The following ANKS1A variants were observed in gnomAD, a reference collection of about 807,000 sequenced individuals.
ANKS1A encodes the protein ankyrin repeat and SAM domain-containing protein 1A.
ANKS1A carries 55 observed loss-of-function variants against 120.3 expected under a neutral mutation model. The observed-to-expected ratio is 0.46, with a 90% CI of 0.37 to 0.57. The LOEUF is 0.57. Ranked by LOEUF, ANKS1A falls within the 20% of genes least tolerant of loss-of-function variation. ANKS1A has a pLI of 0.00. For synonymous variants in ANKS1A, 590 were observed against 604.7 expected (o/e 0.98, Z 0.36); for missense variants, 1,123 against 1,480.3 (o/e 0.76, Z 3.96).
rs1161506486 is a variant in ANKS1A, at chr6:35,033,335, G to T, written c.2010+15276G>T. Among the ~76,000 whole-genome samples, 3 of 152,178 alleles carry T rather than the reference G, an allele frequency of 2.0e-5. No homozygotes were observed. The East Asian group carries it at 5.8e-4, about 29-fold the overall frequency. On this transcript the variant is annotated intron_variant, in intron 11 of 23. Coordinates refer to ENST00000360359, the MANE Select transcript of ANKS1A (RefSeq NM_015245.3). ...GCAGAACTAAGCAAATCCTCAGCTGGGTTCATGTGCTTACAGCCATTACGG... is the reference window on the plus strand; with the variant it reads ...GCAGAACTAAGCAAATCCTCAGCTGTGTTCATGTGCTTACAGCCATTACGG...
chr6:34,975,427 C>G (rs1014219457), intron 3 of ANKS1A, among the ~76,000 whole-genome samples: 5 of 147,956 alleles, frequency 3.4e-5, no homozygotes, highest in Non-Finnish European at 4.5e-5. Flanking sequence ...GCACTCCAGC[C>G]TGGGCAACAG....
At chr6:34,902,727 C>T (rs1174917868) in intron 1 of ANKS1A, among the ~76,000 whole-genome samples, 5 of 150,528 alleles carry the variant, frequency 3.3e-5, no homozygotes, top group East Asian at 2.0e-4. Flanking sequence ...CGCTTGAACC[C>T]GGAAGGCGGA....
intron 11 of ANKS1A, among the ~76,000 whole-genome samples, chr6:35,038,643 G>A (rs1293645416): frequency 3.9e-5 from 6 of 151,984 alleles, no homozygotes; most frequent in Middle Eastern, 3.4e-3. Flanking sequence ...CACCATGCGC[G>A]GCTGTTTTTG....
intron 3 of ANKS1A, among the ~76,000 whole-genome samples, chr6:34,976,871 C>T (rs763225335): frequency 6.6e-6 from 1 of 152,056 alleles, no homozygotes; most frequent in Non-Finnish European, 1.5e-5. Context: ...TAATCCTAAA[C>T]ACTTCCATTT....
chr6:34,959,409 C>T (rs1225013374), intron 1 of ANKS1A, among the ~76,000 whole-genome samples: 1 of 152,156 alleles, frequency 6.6e-6, no homozygotes, highest in African/African-American at 2.4e-5. Context: ...TTAGAAGTTG[C>T]ACCCTGGTGG....
At chr6:34,983,790 A>G (rs887659400) in intron 7 of ANKS1A, among the ~76,000 whole-genome samples, 1 of 136,662 alleles carries the variant, frequency 7.3e-6, no homozygotes, top group Non-Finnish European at 1.6e-5. Context: ...CGAGTAATAA[A>G]TTTTTTTTTT....
chr6:35,048,934 A>C (rs1775845581), intron 11 of ANKS1A, among the ~76,000 whole-genome samples: 1 of 152,206 alleles, frequency 6.6e-6, no homozygotes, highest in Non-Finnish European at 1.5e-5. Flanking sequence ...AGGGTCTGCC[A>C]CTTTGCCCCC....
In ANKS1A at chr6:35,085,924, G is replaced by T; in HGVS notation, c.3291G>T (p.Val1097=). 1 of 1,606,866 alleles carries T rather than the reference G, an allele frequency of 6.2e-7. No homozygotes were observed. The change falls in exon 22 of 24, where the codon GTG becomes GTT. Residue 1097 remains valine (V), a synonymous_variant. Coordinates refer to ENST00000360359, the MANE Select transcript of ANKS1A (RefSeq NM_015245.3). This position sits in a 1 kb window ranked among gnomAD's most constrained non-coding sequence, Gnocchi z 4.7. ...SKPVPKPRVG[V]RKSALEPPDM... ...CGGTGCCTAAGCCTCGGGTCGGCGT[G>T]AGGAAATCCGCAGTACGTGGGCCCC...
At chr6:34,923,587 G>A (rs1768550041) in intron 1 of ANKS1A, among the ~76,000 whole-genome samples, 1 of 152,204 alleles carries the variant, frequency 6.6e-6, no homozygotes, top group Non-Finnish European at 1.5e-5. Flanking sequence ...CCCTTTTACA[G>A]ATGAGGAAAC....
At chr6:34,955,086 A>G (rs780492812) in intron 1 of ANKS1A, among the ~76,000 whole-genome samples, 12 of 151,846 alleles carry the variant, frequency 7.9e-5, no homozygotes, top group Non-Finnish European at 1.3e-4. Context: ...TTTTTCTTGT[A>G]CAATTAATTA....
chr6:35,091,602 G>T (rs1041148986), downstream of ANKS1A, among the ~76,000 whole-genome samples: 2 of 152,206 alleles, frequency 1.3e-5, no homozygotes. Flanking sequence ...GTGCTGTGAG[G>T]CGCAAGGGCC....
intron 1 of ANKS1A, among the ~76,000 whole-genome samples, chr6:34,962,378 A>G (rs1314487947): frequency 5.9e-5 from 9 of 152,212 alleles, no homozygotes; most frequent in Non-Finnish European, 1.3e-4. Flanking sequence ...AAAACTTTAT[A>G]TATTTGTTGT....
intron 3 of ANKS1A, among the ~76,000 whole-genome samples, chr6:34,975,628 A>G (rs1771533098): frequency 6.6e-6 from 1 of 151,890 alleles, no homozygotes; most frequent in Non-Finnish European, 1.5e-5. Flanking sequence ...CATAGTGGAT[A>G]GTGGTACATG....
chr6:34,910,249 T>C (rs1351429987), intron 1 of ANKS1A, among the ~76,000 whole-genome samples: 3 of 152,142 alleles, frequency 2.0e-5, no homozygotes, highest in African/African-American at 7.2e-5. Flanking sequence ...GGGTGATCTC[T>C]CCTATGACTT....
intron 1 of ANKS1A, among the ~76,000 whole-genome samples, chr6:34,905,569 A>G (rs942791519): frequency 2.0e-5 from 3 of 152,208 alleles, no homozygotes; most frequent in Non-Finnish European, 4.4e-5. Flanking sequence ...TGCCTGCAAG[A>G]TAATTATTGT....
At chr6:34,942,247 T>G (rs888992347) in intron 1 of ANKS1A, among the ~76,000 whole-genome samples, 1 of 152,230 alleles carries the variant, frequency 6.6e-6, no homozygotes, top group South Asian at 2.1e-4. Context: ...TTCGAGGAAG[T>G]GAACATTTTC....
chr6:34,972,576 T>G, intron 3 of ANKS1A: 1 of 985,224 alleles, frequency 1.0e-6, no homozygotes, highest in East Asian at 1.1e-4. Flanking sequence ...CTCTCCTTTT[T>G]GTAGAATGCT....
intron 3 of ANKS1A, among the ~76,000 whole-genome samples, chr6:34,973,833 TTCCCCTTCCCTTCCCCTTCCCCTTGCCC>T (rs780909699): frequency 0.058 from 7,914 of 137,316 alleles, 490 homozygotes; most frequent in African/African-American, 0.089. Flanking sequence ...TCTTACCTCC[TTCCCCTTCCCTTCCCCTTCCCCTTGCCC>T]TCCCCTTCCC....
chr6:35,037,004 G>A (rs983746125), intron 11 of ANKS1A, among the ~76,000 whole-genome samples: 2 of 152,226 alleles, frequency 1.3e-5, no homozygotes, highest in African/African-American at 2.4e-5. Flanking sequence ...CCCTCTATTC[G>A]TGAACAGACT....
Sources: gnomAD v4.1 joint callset for allele counts (sites outside exome capture counted in the v4.1 genomes callset) on GRCh38, gnomAD v4.1.1 for gene constraint, Gnocchi (gnomAD v3.1) non-coding constraint, MANE v1.5 for transcripts, NCBI Gene and HGNC (gene_info 2026-07-23, HGNC 2026-07-21) for gene names.